The following FAAH2 variants were observed in gnomAD, a reference collection of about 807,000 sequenced individuals.
FAAH2 encodes fatty acid amide hydrolase 2, also known as fatty-acid amide hydrolase 2.
FAAH2 carries 60 observed loss-of-function variants against 36.9 expected under a neutral mutation model. The observed-to-expected ratio is 1.63, with a 90% CI of 1.32 to 2.02. FAAH2 has a LOEUF of 2.02. Among genes scored for constraint, FAAH2 ranks in the 30% most tolerant of loss-of-function variants. The pLI, the probability that FAAH2 is intolerant of heterozygous loss-of-function variation, is 0.00. For synonymous variants in FAAH2, 214 were observed against 143.8 expected (o/e 1.49, Z -3.49); for missense variants, 689 against 397.5 (o/e 1.73, Z -6.23).
In FAAH2 at chrX:57,389,239, C is replaced by A. The variant is rs193146711; in HGVS notation, c.996+8210C>A. 4.4e-3 allele frequency among the ~76,000 whole-genome samples: 393 copies of A among 90,283 alleles called. 1 individual carries two copies. The highest frequency in any genetic ancestry group is 0.015 in the African/African-American group (379 of 25,745). 78.4% of individuals were successfully genotyped at this position (90,283 alleles called of 115,157 possible). A position where few individuals can be genotyped will look rare whatever the true frequency, so the allele number is the denominator to read the frequency against. Reference sequence around the variant, plus strand: ...TCTCTGGAGTACCCTAATTTTAGTACCCTTACACACACACATACACACGCA... The same window carrying A: ...TCTCTGGAGTACCCTAATTTTAGTAACCTTACACACACACATACACACGCA... On this transcript the variant is annotated intron_variant, in intron 7 of 10. Coordinates refer to ENST00000374900, the MANE Select transcript of FAAH2 (RefSeq NM_174912.4).
chrX:57,470,195 G>A (rs1030059915), intron 10 of FAAH2, among the ~76,000 whole-genome samples: 3 of 110,514 alleles, frequency 2.7e-5, no homozygotes, highest in Non-Finnish European at 3.8e-5. Flanking sequence ...AAGAACTATA[G>A]GAGCAAGAGC....
At chrX:57,430,463 C>G (rs1004229979) in intron 7 of FAAH2, among the ~76,000 whole-genome samples, 1 of 111,798 alleles carries the variant, frequency 8.9e-6, no homozygotes, top group African/African-American at 3.2e-5. Context: ...GGTTGTGAGT[C>G]TGTAAACTGG....
intron 5 of FAAH2, among the ~76,000 whole-genome samples, chrX:57,348,477 G>A (rs957356475): frequency 1.8e-5 from 2 of 110,753 alleles, no homozygotes; most frequent in Admixed American, 9.6e-5. Flanking sequence ...AGACACCCAG[G>A]GGCCCAAGAA....
the FAAH2 span, among the ~76,000 whole-genome samples, chrX:57,176,644 C>A: frequency 2.7e-5 from 3 of 111,301 alleles, no homozygotes; most frequent in Non-Finnish European, 5.7e-5. Flanking sequence ...GTTATAGAAC[C>A]CAGTTTTTGT....
the FAAH2 span, among the ~76,000 whole-genome samples, chrX:57,276,771 C>T: frequency 1.4e-4 from 16 of 111,672 alleles, no homozygotes; most frequent in African/African-American, 5.2e-4. Flanking sequence ...GAAATACAAA[C>T]TACCTTTAGA....
At chrX:57,180,282 A>G in the FAAH2 span, among the ~76,000 whole-genome samples, 1 of 111,726 alleles carries the variant, frequency 9.0e-6, no homozygotes, top group East Asian at 2.8e-4. Flanking sequence ...ACTGAAGGAG[A>G]TTGCAATATG....
chrX:57,164,016 A>G, the FAAH2 span, among the ~76,000 whole-genome samples: 1 of 112,568 alleles, frequency 8.9e-6, no homozygotes, highest in African/African-American at 3.2e-5. Context: ...ACTTGTAGGC[A>G]ATAGGGGCTC....
the FAAH2 span, among the ~76,000 whole-genome samples, chrX:57,205,789 C>T: frequency 4.5e-5 from 5 of 111,920 alleles, no homozygotes; most frequent in Middle Eastern, 4.2e-3. Flanking sequence ...AAATGATTAT[C>T]GAGAATACCC....
At chrX:57,257,646 A>T in the FAAH2 span, among the ~76,000 whole-genome samples, 1 of 110,747 alleles carries the variant, frequency 9.0e-6, no homozygotes, top group Admixed American at 9.6e-5. Context: ...ACCTATGTAA[A>T]AAAACTGCAC....
At chrX:57,147,720 T>C in the FAAH2 span, among the ~76,000 whole-genome samples, 3 of 111,890 alleles carry the variant, frequency 2.7e-5, no homozygotes, top group Non-Finnish European at 5.7e-5. Flanking sequence ...CCTCTTAGCA[T>C]CACTTTTGCT....
At chrX:57,235,887 C>CA in the FAAH2 span, among the ~76,000 whole-genome samples, 50,017 of 111,035 alleles carry the variant, frequency 0.45, 11,237 homozygotes, top group African/African-American at 0.88. Flanking sequence ...TGAAAATATA[C>CA]AAACATATTT....
In FAAH2 at chrX:57,459,539, C is replaced by T. The variant is rs917926496; in HGVS notation, c.1423+10821C>T. ...CTCAAGTGGGTCTCTAAACCTTGTG[C>T]CTCGTGACTGGGATAGACCTCTCAA... On this transcript the variant is annotated intron_variant, in intron 10 of 10. Coordinates refer to ENST00000374900, the MANE Select transcript of FAAH2 (RefSeq NM_174912.4). 3.6e-5 allele frequency among the ~76,000 whole-genome samples: 4 copies of T among 112,298 alleles called. No homozygotes were observed. In the East Asian group the frequency reaches 8.5e-4, roughly 24 times the overall value.
At chrX:57,434,589 CCAAT>C (rs1226735464) in intron 8 of FAAH2, among the ~76,000 whole-genome samples, 1 of 109,487 alleles carries the variant, frequency 9.1e-6, no homozygotes, top group Non-Finnish European at 1.9e-5. Context: ...TTGAAGTAAT[CCAAT>C]CAAACAAAAA....
chrX:57,321,817 T>G (rs1305345241), intron 3 of FAAH2, among the ~76,000 whole-genome samples: 1 of 111,330 alleles, frequency 9.0e-6, no homozygotes, highest in Non-Finnish European at 1.9e-5. Context: ...TTATGCAGAT[T>G]TGTTTGTGTT....
At chrX:57,178,984 G>T in the FAAH2 span, among the ~76,000 whole-genome samples, 14 of 111,483 alleles carry the variant, frequency 1.3e-4, no homozygotes, top group Admixed American at 8.6e-4. Context: ...CATAATTAAA[G>T]AAAAAATATT....
the FAAH2 span, among the ~76,000 whole-genome samples, chrX:57,255,363 A>T: frequency 8.9e-6 from 1 of 112,173 alleles, no homozygotes; most frequent in Non-Finnish European, 1.9e-5. Flanking sequence ...AGGAGCTGGT[A>T]ACATTCTTCT....
Position 57,481,649 on chromosome X carries a change from G to A in FAAH2, c.1424-7108G>A, listed in dbSNP as rs191599792. On this transcript the variant is annotated intron_variant, in intron 10 of 10. Coordinates refer to ENST00000374900, the MANE Select transcript of FAAH2 (RefSeq NM_174912.4). ...GAGGGGCACCAACCTGATGCCAGCT[G>A]GAGCTGTCTTGTATGAAGTGTCCTT... Among the ~76,000 whole-genome samples, 10 of 111,775 alleles carry A rather than the reference G, an allele frequency of 8.9e-5. No homozygotes were observed. In the East Asian group the frequency reaches 2.0e-3, roughly 22 times the overall value.
At chrX:57,333,703 A>T (rs183539139) in intron 4 of FAAH2, among the ~76,000 whole-genome samples, 37 of 111,922 alleles carry the variant, frequency 3.3e-4, no homozygotes, top group Admixed American at 3.2e-3. Flanking sequence ...TGTCAAAAAG[A>T]ACTTCCAAAA....
At chrX:57,233,053 T>G in the FAAH2 span, among the ~76,000 whole-genome samples, 5 of 112,391 alleles carry the variant, frequency 4.4e-5, no homozygotes, top group Admixed American at 9.4e-5. Context: ...GTAAAGAGAT[T>G]CCTCCTCTGC....
Sources: gnomAD v4.1 joint callset for allele counts (sites outside exome capture counted in the v4.1 genomes callset) on GRCh38, gnomAD v4.1.1 for gene constraint, MANE v1.5 for transcripts, NCBI Gene and HGNC (gene_info 2026-07-23, HGNC 2026-07-21) for gene names.